ULBP3: variants seen among roughly 807,000 people sequenced by gnomAD.
ULBP3 encodes the protein UL16 binding protein 3, also known as UL16-binding protein 3.
A neutral mutation model predicts 24.9 loss-of-function variants in ULBP3; 25 were observed. The ratio of observed to expected loss-of-function variants is 1.00; its 90% CI spans 0.73 to 1.40. The LOEUF is 1.40. Among genes scored for constraint, ULBP3 ranks in the 40% most tolerant of loss-of-function variants. ULBP3 has a pLI of 0.00. For synonymous variants in ULBP3, 114 were observed against 114.7 expected, an observed-to-expected ratio of 0.99 and a Z score of 0.04; for missense variants, 306 against 307.5, an observed-to-expected ratio of 1.00 and a Z score of 0.04.
rs1582863389 is a variant in ULBP3, at chr6:150,061,930, A to T, written c.*1444T>A. Reference sequence around the variant, plus strand: ...CACCATCTCCAACTTTGTGACTGGTAAGAGATGGTAACTCATTGCAGTTTT... The same window carrying T: ...CACCATCTCCAACTTTGTGACTGGTTAGAGATGGTAACTCATTGCAGTTTT... On this transcript the variant is annotated 3_prime_UTR_variant, in exon 5 of 5. Transcript: ENST00000367339. Among the ~76,000 whole-genome samples the T allele has an allele frequency of 6.6e-6, 1 of 152,214 alleles. No homozygotes were observed. Among genetic ancestry groups the T allele is most frequent in the African/African-American group, 2.4e-5 (1 of 41,452 alleles).
Position 150,063,110 on chromosome 6 carries a change from A to G in ULBP3, c.*264T>C, listed in dbSNP as rs1776294772. On this transcript the variant is annotated 3_prime_UTR_variant, in exon 5 of 5. Transcript: ENST00000367339. ...GGCGACAGAGCGAGACTCCGTCTCAAAAAAAAAAAAAAACAAAAAAAAAAA... is the reference window on the plus strand; with the variant it reads ...GGCGACAGAGCGAGACTCCGTCTCAGAAAAAAAAAAAAACAAAAAAAAAAA... 1.5e-4 allele frequency: 2 copies of G among 13,708 alleles called. No homozygotes were observed. The highest frequency in any genetic ancestry group is 1.1e-3 in the African/African-American group (2 of 1,826). 0.8% of individuals were successfully genotyped at this position (13,708 alleles called of 1,614,324 possible). A position where few individuals can be genotyped will look rare whatever the true frequency, so the allele number is the denominator to read the frequency against.
Position 150,066,111 on chromosome 6 carries a change from C to A in ULBP3, c.140G>T (p.Gly47Val). ...NFTIIHLPRHGQQWCEVQSQV... is the reference protein window; with the variant it reads ...NFTIIHLPRHVQQWCEVQSQV... Reference sequence around the variant, plus strand: ...GCTCTGGACCTCACACCACTGTTGCCCATGTCTGGGCAAATGAATGATGGT... The same window carrying A: ...GCTCTGGACCTCACACCACTGTTGCACATGTCTGGGCAAATGAATGATGGT... The change falls in exon 2 of 5, where the codon GGG (glycine) becomes GTG (valine). Residue 47 changes from glycine (G) to valine (V), a missense_variant. Coordinates refer to ENST00000367339, the MANE Select transcript of ULBP3 (RefSeq NM_024518.3). The A allele has an allele frequency of 6.2e-7, 1 of 1,614,090 alleles. No homozygotes were observed. Among genetic ancestry groups the A allele is most frequent in the Non-Finnish European group, 8.5e-7 (1 of 1,180,038 alleles).
At chr6:150,066,288 G>C (rs1379249603) in intron 1 of ULBP3, 126 bp from the exon 2 acceptor site, 3 of 1,113,978 alleles carry the variant, frequency 2.7e-6, no homozygotes, top group Non-Finnish European at 3.8e-6. Flanking sequence ...CCTGGACGGT[G>C]GTCTCTGCCT....
At chr6:150,067,844 G>T (rs1418479774) in intron 1 of ULBP3, among the ~76,000 whole-genome samples, 7 of 152,184 alleles carry the variant, frequency 4.6e-5, no homozygotes, top group Admixed American at 4.6e-4. Context: ...GGGTCCCCTA[G>T]TGCTCAGAAG....
In ULBP3 at chr6:150,066,157, G is replaced by T. The variant is rs1776344166; in HGVS notation, c.94C>A (p.His32Asn). 6.2e-7 allele frequency: 1 copy of T among 1,612,512 alleles called. No individual in the cohort carries two copies. Among genetic ancestry groups the T allele is most frequent in the Non-Finnish European group, 8.5e-7 (1 of 1,179,674 alleles). ...DWSGTGRADAHSLWYNFTIIH... is the reference protein window; with the variant it reads ...DWSGTGRADANSLWYNFTIIH... ...ATGGTGAAGTTATACCAGAGAGAGT[G>T]AGCGTCTAAGGAAAAAAAAAAAAAA... is the stretch of plus-strand genomic sequence containing the variant. Residue 32 changes from histidine to asparagine, a missense_variant, in exon 2 of 5, where the codon CAC becomes AAC. His to Asn is a moderately conservative substitution (Grantham distance 68, BLOSUM62 1). Coordinates refer to ENST00000367339, the MANE Select transcript of ULBP3 (RefSeq NM_024518.3).
At position 150,065,629 on chromosome 6, in the gene ULBP3, C is replaced by T. The variant is rs762480458; in HGVS notation, c.397G>A (p.Asp133Asn). The T allele has an allele frequency of 8.7e-5, 140 of 1,614,058 alleles. No homozygotes were observed. Among genetic ancestry groups the T allele is most frequent in the Admixed American group, 1.8e-4 (11 of 60,008 alleles). Residue 133 changes from aspartate (D) to asparagine (N), a missense_variant, in exon 3 of 5, where the codon GAT becomes AAT. Asp to Asn is a conservative substitution (Grantham distance 23, BLOSUM62 1). Coordinates refer to ENST00000367339, the MANE Select transcript of ULBP3 (RefSeq NM_024518.3). ...QVRMSCECEA[D>N]GYIRGSWQFS... ...TGCCAAGATCCACGGATGTATCCAT[C>T]GGCTTCACACTCACAAGACATCCTG...
chr6:150,063,119 AAAAAC>A lies in ULBP3; in HGVS notation c.*250_*254del, dbSNP rs1358134941. The A allele has an allele frequency of 2.2e-4, 23 of 105,924 alleles. 2 individuals are homozygous for A. The highest frequency in any genetic ancestry group is 2.9e-4 in the Admixed American group (3 of 10,434). 6.6% of individuals were successfully genotyped at this position (105,924 alleles called of 1,614,324 possible). A position where few individuals can be genotyped will look rare whatever the true frequency, so the allele number is the denominator to read the frequency against. On this transcript the variant is annotated 3_prime_UTR_variant, in exon 5 of 5. Coordinates refer to ENST00000367339, the MANE Select transcript of ULBP3 (RefSeq NM_024518.3). The stretch of plus-strand genomic sequence containing the variant: ...GCGAGACTCCGTCTCAAAAAAAAAA[AAAAAC>A]AAAAAAAAAAAAAGAAAAATGGCTG...
intron 1 of ULBP3, among the ~76,000 whole-genome samples, chr6:150,066,914 A>G (rs7775383): frequency 0.73 from 110,659 of 151,828 alleles, 41,054 homozygotes; most frequent in Middle Eastern, 0.84. Flanking sequence ...ATGGGCTCCC[A>G]GTAGTAATGG....
intron 1 of ULBP3, 117 bp downstream of exon 1, chr6:150,068,862 C>G: frequency 9.4e-7 from 1 of 1,065,626 alleles, no homozygotes; most frequent in East Asian, 2.8e-5. Flanking sequence ...AGCGTGGGGG[C>G]AGTCCGGGGA....
At chr6:150,067,235 A>G (rs1776360468) in intron 1 of ULBP3, among the ~76,000 whole-genome samples, 1 of 152,176 alleles carries the variant, frequency 6.6e-6, no homozygotes, top group African/African-American at 2.4e-5. Flanking sequence ...ACTGAGCCAC[A>G]TCTCAGACGC....
chr6:150,064,874 A>T (rs1290588215), intron 3 of ULBP3, among the ~76,000 whole-genome samples, 161 bp from the exon 4 acceptor site: 1 of 152,012 alleles, frequency 6.6e-6, no homozygotes, highest in Non-Finnish European at 1.5e-5. Context: ...GGAAGGGAGA[A>T]GGGGTGCTCC....
At chr6:150,063,382 G>A (rs1335222674) in intron 4 of ULBP3, 31 bp from the exon 5 acceptor site, 1 of 976,404 alleles carries the variant, frequency 1.0e-6, no homozygotes, top group Non-Finnish European at 1.2e-6. Context: ...TGGTTTAAGT[G>A]GCTGAGAAAA....
chr6:150,062,511 T>C lies in ULBP3; in HGVS notation c.*863A>G, dbSNP rs1263118063. ...TGGAGATTACAGTGAGTGATGACTA[T>C]GCCACTTCACTCCAATATGGTTGAC... On this transcript the variant is annotated 3_prime_UTR_variant, in exon 5 of 5. Coordinates refer to ENST00000367339, the MANE Select transcript of ULBP3 (RefSeq NM_024518.3). Among the ~76,000 whole-genome samples the C allele has an allele frequency of 6.6e-6, 1 of 152,132 alleles. No individual in the cohort carries two copies. Among genetic ancestry groups the C allele is most frequent in the Non-Finnish European group, 1.5e-5 (1 of 68,020 alleles).
rs1460645002 is a variant in ULBP3 at position 150,061,202 on chromosome 6, G to A, written c.*2172C>T. 5.3e-5 allele frequency among the ~76,000 whole-genome samples: 8 copies of A among 152,176 alleles called. No homozygotes were observed. The highest frequency in any genetic ancestry group is 1.4e-4 in the African/African-American group (6 of 41,510). ...AGCGTTCATAGTGCAAAGTTCTCTC[G>A]TTCCACTCAGTTAACCCCATTTTTT... is the stretch of plus-strand genomic sequence containing the variant. On this transcript the variant is annotated 3_prime_UTR_variant, in exon 5 of 5. Coordinates refer to ENST00000367339, the MANE Select transcript of ULBP3 (RefSeq NM_024518.3).
chr6:150,066,111 C>T lies in ULBP3; in HGVS notation c.140G>A (p.Gly47Glu), dbSNP rs771649601. Residue 47 changes from glycine (G) to glutamate (E), a missense_variant, in exon 2 of 5, where the codon GGG becomes GAG. Transcript: ENST00000367339. ...NFTIIHLPRH[G>E]QQWCEVQSQV... Reference sequence around the variant, plus strand: ...GCTCTGGACCTCACACCACTGTTGCCCATGTCTGGGCAAATGAATGATGGT... The same window carrying T: ...GCTCTGGACCTCACACCACTGTTGCTCATGTCTGGGCAAATGAATGATGGT... The T allele has an allele frequency of 6.2e-7, 1 of 1,613,972 alleles. No individual in the cohort carries two copies. The highest frequency in any genetic ancestry group is 8.5e-7 in the Non-Finnish European group (1 of 1,180,046).
rs539247151 is a variant in ULBP3, at chr6:150,062,825, G to T, written c.*549C>A. Among the ~76,000 whole-genome samples, 2 of 152,110 alleles carry T rather than the reference G, an allele frequency of 1.3e-5. No individual in the cohort carries two copies. The highest frequency in any genetic ancestry group is 2.9e-5 in the Non-Finnish European group (2 of 68,012). On this transcript the variant is annotated 3_prime_UTR_variant, in exon 5 of 5. Transcript: ENST00000367339. ...AAGGTGTTAAGAAAAATGGCTGGCC[G>T]GGCGCGGTGGCTCACGCCTGTAATC... is the stretch of plus-strand genomic sequence containing the variant.
In ULBP3 at chr6:150,061,717, T is replaced by C. The variant is rs1346007018; in HGVS notation, c.*1657A>G. ...TAAGAATAGCACTGTAATGAACATA[T>C]TGGTGCAGGTGTCTTTTGGATAAAA... On this transcript the variant is annotated 3_prime_UTR_variant, in exon 5 of 5. Transcript: ENST00000367339. Among the ~76,000 whole-genome samples the C allele has an allele frequency of 6.6e-6, 1 of 152,248 alleles. No individual in the cohort carries two copies. The highest frequency in any genetic ancestry group is 1.5e-5 in the Non-Finnish European group (1 of 68,032).
chr6:150,065,384 C>T lies in ULBP3; in HGVS notation c.628+14G>A. On this transcript the variant is annotated intron_variant, in intron 3 of 4. Transcript: ENST00000367339. ...GCATCTCCAACATGCTCCCAGTGCT[C>T]CCCTGTCAGTTACCTGTGGGTTCCA... The T allele has an allele frequency of 1.2e-6, 2 of 1,613,078 alleles. No individual in the cohort carries two copies. The highest frequency in any genetic ancestry group is 1.7e-6 in the Non-Finnish European group (2 of 1,179,204).
At chr6:150,068,826 C>A (rs1465934080) in intron 1 of ULBP3, among the ~76,000 whole-genome samples, 153 bp downstream of exon 1, 1 of 152,174 alleles carries the variant, frequency 6.6e-6, no homozygotes, top group Non-Finnish European at 1.5e-5. Flanking sequence ...GCGGACCTGG[C>A]GAAAAAGAGC....
Sources: gnomAD v4.1 joint callset for allele counts (sites outside exome capture counted in the v4.1 genomes callset) on GRCh38, gnomAD v4.1.1 for gene constraint, MANE v1.5 for transcripts, NCBI Gene and HGNC (gene_info 2026-07-23, HGNC 2026-07-21) for gene names.